The following CSMD1 variants were observed in gnomAD, a reference collection of about 807,000 sequenced individuals.
The protein encoded by CSMD1 is CUB and sushi domain-containing protein 1.
CSMD1 carries 213 observed loss-of-function variants against 417.5 expected under a neutral mutation model. The ratio of observed to expected loss-of-function variants is 0.51; its 90% CI spans 0.46 to 0.57. The LOEUF (loss-of-function observed/expected upper bound fraction) is 0.57, where lower values mean the gene tolerates loss of function less well. Ranked by LOEUF, CSMD1 falls within the 20% of genes least tolerant of loss-of-function variation. The pLI is 0.00. For missense variants in CSMD1, 6,923 were observed against 4,529.7 expected, an observed-to-expected ratio of 1.53 and a Z score of -15.17; for synonymous variants, 2,862 against 1,736.8, an observed-to-expected ratio of 1.65 and a Z score of -16.11.
At chr8:4,440,454 C>G (rs573585381) in intron 2 of CSMD1, among the ~76,000 whole-genome samples, 4 of 152,146 alleles carry the variant, frequency 2.6e-5, no homozygotes, top group African/African-American at 9.7e-5. Context: ...CATTGTTCAT[C>G]TTGTTACTCA....
At chr8:3,083,630 ATATATATATATATATATATTTTTTTT>A (rs1563320478) in intron 49 of CSMD1, among the ~76,000 whole-genome samples, 8 of 27,944 alleles carry the variant, frequency 2.9e-4, no homozygotes, top group African/African-American at 1.0e-3. Flanking sequence ...ATATATATAT[ATATATATATATATATATATTTTTTTT>A]TTTTTTTTTT....
At chr8:4,662,836 G>T (rs1804685481) in intron 1 of CSMD1, among the ~76,000 whole-genome samples, 1 of 152,128 alleles carries the variant, frequency 6.6e-6, no homozygotes, top group Non-Finnish European at 1.5e-5. Flanking sequence ...AAAACATTGT[G>T]GCAGGACACT....
chr8:4,460,018 G>C (rs968384462), intron 2 of CSMD1, among the ~76,000 whole-genome samples: 1 of 152,084 alleles, frequency 6.6e-6, no homozygotes, highest in African/African-American at 2.4e-5. Flanking sequence ...AAACCAACTG[G>C]AATGAACAGA....
In CSMD1 at chr8:4,355,105, A is replaced by G. The variant is rs376167916; in HGVS notation, c.415+64848T>C. ...GTGAAACCCCGTCTCTACTAAAAAG[A>G]CAAAAAATTAGCCGGGCGTGGTGGC... is the stretch of plus-strand genomic sequence containing the variant. On this transcript the variant is annotated intron_variant, in intron 3 of 69. Transcript: ENST00000635120. Among the ~76,000 whole-genome samples, 71 of 152,002 alleles carry G rather than the reference A, an allele frequency of 4.7e-4. 1 individual carries two copies. Among genetic ancestry groups the G allele is most frequent in the African/African-American group, 1.4e-3 (60 of 41,460 alleles).
chr8:3,581,055 G>T (rs1356972833), intron 9 of CSMD1, among the ~76,000 whole-genome samples: 8 of 152,094 alleles, frequency 5.3e-5, no homozygotes. Context: ...CTCTTAGAGG[G>T]CTTTTCATCT....
chr8:3,434,611 A>G (rs1479412235), intron 12 of CSMD1, among the ~76,000 whole-genome samples: 1 of 152,184 alleles, frequency 6.6e-6, no homozygotes, highest in Admixed American at 6.6e-5. Flanking sequence ...TCATGAGGAA[A>G]TCCCATTTAT....
chr8:4,812,203 C>T (rs1175559704), intron 1 of CSMD1, among the ~76,000 whole-genome samples: 1 of 152,168 alleles, frequency 6.6e-6, no homozygotes, highest in Non-Finnish European at 1.5e-5. Context: ...TGTTCACTGC[C>T]TTGCCTACGT....
chr8:3,909,767 A>C (rs568208172), intron 5 of CSMD1, among the ~76,000 whole-genome samples: 1 of 152,154 alleles, frequency 6.6e-6, no homozygotes, highest in Non-Finnish European at 1.5e-5. Flanking sequence ...AGCTAATACG[A>C]ACTCGACAAA....
At chr8:3,718,755 T>C (rs1221565096) in intron 6 of CSMD1, among the ~76,000 whole-genome samples, 1 of 152,162 alleles carries the variant, frequency 6.6e-6, no homozygotes, top group African/African-American at 2.4e-5. Flanking sequence ...TAACTATTCA[T>C]CTCACGTTTC....
intron 10 of CSMD1, among the ~76,000 whole-genome samples, chr8:3,548,992 C>T (rs891820834): frequency 6.6e-6 from 1 of 152,106 alleles, no homozygotes; most frequent in African/African-American, 2.4e-5. Flanking sequence ...TCCCAATATA[C>T]CTGGGTTTCC....
chr8:4,694,444 C>T (rs531766314), intron 1 of CSMD1, among the ~76,000 whole-genome samples: 2 of 151,864 alleles, frequency 1.3e-5, no homozygotes, highest in East Asian at 1.9e-4. Context: ...CCCTGCCTCC[C>T]GGATTCAAGC....
In CSMD1 at chr8:4,312,820, G is replaced by T. The variant is rs534850177; in HGVS notation, c.415+107133C>A. Among the ~76,000 whole-genome samples the T allele has an allele frequency of 7.9e-5, 12 of 152,256 alleles. 1 individual carries two copies. The highest frequency in any genetic ancestry group is 2.6e-4 in the African/African-American group (11 of 41,550). On this transcript the variant is annotated intron_variant, in intron 3 of 69. Transcript: ENST00000635120. ...ACCAGGGTGGTGGAGGTTGCAGTTA[G>T]CTGAGATCGCGCCAGGCAAGGCGGT...
chr8:3,212,191 T>C (rs868445472), intron 30 of CSMD1, among the ~76,000 whole-genome samples: 5 of 152,180 alleles, frequency 3.3e-5, no homozygotes, highest in Non-Finnish European at 7.3e-5. Flanking sequence ...ATATGCTTCT[T>C]ATTTTAGTTT....
chr8:3,918,846 G>C (rs577271945), intron 5 of CSMD1, among the ~76,000 whole-genome samples: 13 of 152,178 alleles, frequency 8.5e-5, no homozygotes, highest in African/African-American at 3.1e-4. Flanking sequence ...AAGATAATTA[G>C]AATGACACAA....
At position 4,689,853 on chromosome 8, in the gene CSMD1, T is replaced by C. The variant is rs141597057; in HGVS notation, c.86-52295A>G. Reference sequence around the variant, plus strand: ...TCTGGTGCCTTTAATACTAGACTCATTGTATGTTTATATGAATGATTAAAA... The same window carrying C: ...TCTGGTGCCTTTAATACTAGACTCACTGTATGTTTATATGAATGATTAAAA... On this transcript the variant is annotated intron_variant, in intron 1 of 69. Coordinates refer to ENST00000635120, the MANE Select transcript of CSMD1 (RefSeq NM_033225.6). Among the ~76,000 whole-genome samples, 515 of 152,280 alleles carry C rather than the reference T, an allele frequency of 3.4e-3. 2 individuals carry two copies. Among genetic ancestry groups the C allele is most frequent in the Non-Finnish European group, 6.0e-3 (411 of 68,032 alleles).
intron 17 of CSMD1, among the ~76,000 whole-genome samples, chr8:3,389,497 T>C (rs1811217045): frequency 6.6e-6 from 1 of 152,100 alleles, no homozygotes; most frequent in Non-Finnish European, 1.5e-5. Flanking sequence ...GATCTCTAGG[T>C]TTCTGGGGAA....
intron 3 of CSMD1, among the ~76,000 whole-genome samples, chr8:4,382,987 C>G (rs1024987989): frequency 2.6e-5 from 4 of 152,172 alleles, no homozygotes; most frequent in Admixed American, 6.6e-5. Context: ...AGAGGTCGCA[C>G]CATCGTCTGT....
intron 12 of CSMD1, among the ~76,000 whole-genome samples, chr8:3,422,553 G>T (rs1002247549): frequency 6.6e-6 from 1 of 152,168 alleles, no homozygotes; most frequent in East Asian, 1.9e-4. Context: ...ACAGAAGACA[G>T]AAGACAAAAC....
In CSMD1 at chr8:4,107,292, T is replaced by G. The variant is rs74690469; in HGVS notation, c.416-75193A>C. Among the ~76,000 whole-genome samples the G allele has an allele frequency of 9.8e-4, 149 of 152,340 alleles. 2 individuals are homozygous for G. The East Asian group carries it at 0.025, about 26-fold the overall frequency. ...TGCTTGCCATTTCAACACGCTGCACTGCCTCATTTAGAACTTCCTGAAATA... is the reference window on the plus strand; with the variant it reads ...TGCTTGCCATTTCAACACGCTGCACGGCCTCATTTAGAACTTCCTGAAATA... On this transcript the variant is annotated intron_variant, in intron 3 of 69. Coordinates refer to ENST00000635120, the MANE Select transcript of CSMD1 (RefSeq NM_033225.6).
Sources: gnomAD v4.1 joint callset for allele counts (sites outside exome capture counted in the v4.1 genomes callset) on GRCh38, gnomAD v4.1.1 for gene constraint, MANE v1.5 for transcripts, NCBI Gene and HGNC (gene_info 2026-07-23, HGNC 2026-07-21) for gene names.